PSG8: variants seen among roughly 807,000 people sequenced by gnomAD.
The protein encoded by PSG8 is pregnancy-specific beta-1-glycoprotein 8.
PSG8 carries 57 observed loss-of-function variants against 42.5 expected under a neutral mutation model. That is an observed-to-expected ratio of 1.34 (90% CI 1.08 to 1.67). The LOEUF (loss-of-function observed/expected upper bound fraction) is 1.67. Among genes scored for constraint, PSG8 ranks in the 40% most tolerant of loss-of-function variants. The pLI is 0.00. For missense variants in PSG8, 783 were observed against 518.6 expected (o/e 1.51, Z -4.95); for synonymous variants, 280 against 196.8 (o/e 1.42, Z -3.54).
chr19:42,754,731 T>G (rs913185549), intron 4 of PSG8, 144 bp from the exon 5 acceptor site: 31 of 1,311,366 alleles, frequency 2.4e-5, no homozygotes, highest in South Asian at 2.3e-4. Context: ...CTGAGCCGAA[T>G]CCTCAGGTAT....
rs182800450 is a variant in PSG8, at chr19:42,758,421, A to G, written c.431-141T>C. The G allele has an allele frequency of 1.9e-4, 285 of 1,502,760 alleles. 2 individuals are homozygous for G. The African/African-American group carries it at 3.7e-3, about 20-fold the overall frequency. 93.1% of individuals were successfully genotyped at this position (1,502,760 alleles called of 1,614,324 possible). ...CCATGGCAGGTGTGTGTGTTGCAAGACAGATGCAGGGCAATCTGAGGGCTC... is the reference window on the plus strand; with the variant it reads ...CCATGGCAGGTGTGTGTGTTGCAAGGCAGATGCAGGGCAATCTGAGGGCTC... On this transcript the variant is annotated intron_variant, in intron 2 of 4. Transcript: ENST00000306511.
In PSG8 at chr19:42,763,973, T is replaced by C. The variant is rs1235666152; in HGVS notation, c.373A>G (p.Ile125Val). ...EDAGSYTLHI[I>V]MGGDENRGVT... The stretch of plus-strand genomic sequence containing the variant: ...CCTCTATTCTCATCACCTCCCATTA[T>C]GATGTGTAAGGTGTAGGATCCTGCG... Residue 125 changes from isoleucine (I) to valine (V), a missense_variant, in exon 2 of 5, where the codon ATA (isoleucine) becomes GTA (valine). Coordinates refer to ENST00000306511, the MANE Select transcript of PSG8 (RefSeq NM_182707.3). 6 of 1,612,222 alleles carry C rather than the reference T, an allele frequency of 3.7e-6. No individual in the cohort carries two copies. The highest frequency in any genetic ancestry group is 5.1e-6 in the Non-Finnish European group (6 of 1,179,646).
chr19:42,754,071 T>C, downstream of PSG8: 1 of 1,076,308 alleles, frequency 9.3e-7, no homozygotes, highest in Non-Finnish European at 1.3e-6. Flanking sequence ...ATAAAAACAT[T>C]ATCCTCATTA....
At chr19:42,763,504 A>G (rs1410192474) in intron 2 of PSG8, among the ~76,000 whole-genome samples, 1 of 152,154 alleles carries the variant, frequency 6.6e-6, no homozygotes, top group Non-Finnish European at 1.5e-5. Flanking sequence ...ATCTGGAGCA[A>G]GGATTTAGGG....
chr19:42,762,926 C>A (rs1025752773), intron 2 of PSG8, among the ~76,000 whole-genome samples: 14 of 152,126 alleles, frequency 9.2e-5, no homozygotes, highest in Non-Finnish European at 1.5e-4. Context: ...TGGCTGCGGA[C>A]ACACCTCATG....
intron 2 of PSG8, chr19:42,758,557 T>G (rs138094966): frequency 0.069 from 43,161 of 630,036 alleles, 1,781 homozygotes; most frequent in Middle Eastern, 0.11. Context: ...ACAGCCCCTG[T>G]TGCCTCTCTG....
At chr19:42,764,534 C>A (rs369030685) in intron 1 of PSG8, among the ~76,000 whole-genome samples, 1 of 151,970 alleles carries the variant, frequency 6.6e-6, no homozygotes, top group South Asian at 2.1e-4. Flanking sequence ...CTGACCTTGG[C>A]ATTTTTCTGT....
downstream of PSG8, chr19:42,752,729 A>C (rs1251125768): frequency 3.0e-5 from 5 of 168,856 alleles, no homozygotes; most frequent in South Asian, 3.2e-4. Context: ...TAGAATCAGT[A>C]TTACTGTCAC....
chr19:42,764,198 C>T lies in PSG8; in HGVS notation c.148G>A (p.Asp50Asn). The T allele has an allele frequency of 1.2e-6, 2 of 1,613,820 alleles. No individual in the cohort carries two copies. The highest frequency in any genetic ancestry group is 1.7e-6 in the Non-Finnish European group (2 of 1,179,864). Residue 50 changes from aspartate (D) to asparagine (N), a missense_variant, in exon 2 of 5, where the codon GAT becomes AAT. Asp to Asn is a conservative substitution (Grantham distance 23). Transcript: ENST00000306511. ...AAATTGTGGACAAGTAGAAGAACAT[C>T]CTTCCCCTCAGAAACTTTGGTTGGC... ...AQPTKVSEGK[D>N]VLLLVHNLPQ...
chr19:42,762,961 T>A (rs1176596726), intron 2 of PSG8, among the ~76,000 whole-genome samples: 1 of 152,106 alleles, frequency 6.6e-6, no homozygotes, highest in Non-Finnish European at 1.5e-5. Flanking sequence ...CCTTTGTGAT[T>A]GTGTGACTCT....
Position 42,754,492 on chromosome 19 carries a change from C to A in PSG8, c.1084G>T (p.Ala362Ser), listed in dbSNP as rs1444950954. 2 of 1,613,666 alleles carry A rather than the reference C, an allele frequency of 1.2e-6. No homozygotes were observed. Among genetic ancestry groups the A allele is most frequent in the Non-Finnish European group, 1.7e-6 (2 of 1,179,864 alleles). The change falls in exon 5 of 5, where the codon GCA becomes TCA. Residue 362 changes from alanine to serine, a missense_variant. Physicochemically the swap from Ala to Ser is moderately conservative, Grantham distance 99. Coordinates refer to ENST00000306511, the MANE Select transcript of PSG8 (RefSeq NM_182707.3). ...CCATTAATTGTCCAAGAATACTGTG[C>A]CGGTGGGTTAGAGTCCGCAGAACAG... Reference protein sequence around the residue: ...LSCSADSNPPAQYSWTINGKF... With the variant: ...LSCSADSNPPSQYSWTINGKF...
At chr19:42,756,780 T>C (rs1256220299) in intron 3 of PSG8, among the ~76,000 whole-genome samples, 1 of 152,056 alleles carries the variant, frequency 6.6e-6, no homozygotes, top group Non-Finnish European at 1.5e-5. Context: ...CACCTTTTCA[T>C]GGTTGCCTCT....
intron 3 of PSG8, among the ~76,000 whole-genome samples, chr19:42,756,329 T>G (rs1437366552): frequency 1.3e-5 from 2 of 152,068 alleles, no homozygotes; most frequent in Non-Finnish European, 2.9e-5. Context: ...GAATCAGAAG[T>G]TGTTCATGGG....
At chr19:42,760,406 T>C (rs1337112519) in intron 2 of PSG8, among the ~76,000 whole-genome samples, 3 of 152,198 alleles carry the variant, frequency 2.0e-5, no homozygotes, top group South Asian at 4.1e-4. Flanking sequence ...ATTGCTATTG[T>C]CAAAACAAAA....
At chr19:42,764,475 A>G (rs375849835) in intron 1 of PSG8, among the ~76,000 whole-genome samples, 194 bp from the exon 2 acceptor site, 4 of 151,668 alleles carry the variant, frequency 2.6e-5, no homozygotes, top group Non-Finnish European at 4.4e-5. Context: ...GTGTCCTACT[A>G]TCCTACTAGG....
chr19:42,763,912 T>C lies in PSG8; in HGVS notation c.430+4A>G, dbSNP rs1246642357. The C allele has an allele frequency of 1.9e-6, 3 of 1,613,530 alleles. No homozygotes were observed. The African/African-American group carries it at 4.0e-5, about 22-fold the overall frequency. On this transcript the variant is annotated splice_donor_region_variant and intron_variant, in intron 2 of 4. Transcript: ENST00000306511. ...ACACCCAGGGATCATGTGGAATCACTCACGATATAAGGTGAAGGTGAAATG... is the reference window on the plus strand; with the variant it reads ...ACACCCAGGGATCATGTGGAATCACCCACGATATAAGGTGAAGGTGAAATG...
downstream of PSG8, chr19:42,753,140 A>C (rs1221302857): frequency 4.4e-6 from 3 of 681,820 alleles, no homozygotes; most frequent in African/African-American, 5.3e-5. Context: ...CCACAGTGTG[A>C]AGTCATCCAC....
intron 3 of PSG8, 83 bp from the exon 4 acceptor site, chr19:42,755,349 C>T (rs1207949795): frequency 2.5e-6 from 4 of 1,574,586 alleles, no homozygotes; most frequent in East Asian, 2.2e-5. Context: ...GTTGGCATCT[C>T]CCACTTCTCA....
chr19:42,757,800 T>A (rs1268818487), intron 3 of PSG8, among the ~76,000 whole-genome samples: 1 of 152,092 alleles, frequency 6.6e-6, no homozygotes, highest in Non-Finnish European at 1.5e-5. Context: ...GAGTCTCCCA[T>A]GACAGGAGCA....
Sources: allele counts gnomAD v4.1 joint callset (sites outside exome capture counted in the v4.1 genomes callset), GRCh38; gene constraint gnomAD v4.1.1; transcripts MANE v1.5; gene names NCBI Gene and HGNC (gene_info 2026-07-23, HGNC 2026-07-21).